The following FBXO11 variants were observed in gnomAD, a reference collection of about 807,000 sequenced individuals.
FBXO11 encodes F-box only protein 11.
FBXO11 carries 13 observed loss-of-function variants against 117.0 expected under a neutral mutation model. The ratio of observed to expected loss-of-function variants is 0.11; its 90% CI spans 0.07 to 0.18. The LOEUF is 0.18. FBXO11 is among the 10% of genes least tolerant of loss of function. FBXO11 has a pLI of 1.00. For synonymous variants in FBXO11, 490 were observed against 380.5 expected (o/e 1.29, Z -3.35); for missense variants, 767 against 1,164.4 (o/e 0.66, Z 4.97).
Position 47,905,627 on chromosome 2 carries a change from G to C in FBXO11, c.94C>G (p.Pro32Ala), listed in dbSNP as rs915976035. Residue 32 changes from proline to alanine, a missense_variant, in exon 1 of 23, where the codon CCG becomes GCG. By Grantham distance (27) the Pro-to-Ala change is conservative. Coordinates refer to ENST00000403359, the MANE Select transcript of FBXO11 (RefSeq NM_001190274.2). The stretch of plus-strand genomic sequence containing the variant: ...GGCTGCTGCTGGGGCGGCTGCGGCG[G>C]CGGCTGCTGCGGGGGCTGCTGCTGC... ...QQQQQPPQQP[P>A]PQPPQQQPPQ... 4.6e-5 allele frequency: 64 copies of C among 1,391,748 alleles called. No individual in the cohort carries two copies. The highest frequency in any genetic ancestry group is 5.7e-5 in the Non-Finnish European group (61 of 1,071,448). The allele number at this position is 1,391,748 out of a possible 1,614,324, so 86.2% of individuals were successfully genotyped here.
At chr2:47,903,809 G>A (rs1204410166) in intron 1 of FBXO11, among the ~76,000 whole-genome samples, 1 of 152,158 alleles carries the variant, frequency 6.6e-6, no homozygotes, top group Non-Finnish European at 1.5e-5. Flanking sequence ...TGCATACAGT[G>A]GCAATTCTGG....
At chr2:47,888,507 G>T in intron 1 of FBXO11, 2 of 165,646 alleles carry the variant, frequency 1.2e-5, no homozygotes, top group Non-Finnish European at 2.5e-5. Flanking sequence ...CTTTATGTCA[G>T]TCTAATAATT....
chr2:47,814,326 C>CT (rs1175098628), intron 16 of FBXO11: 1 of 150,050 alleles, frequency 6.7e-6, no homozygotes, highest in East Asian at 2.0e-4. Flanking sequence ...CTTAAAAATA[C>CT]TTTATCGCTA....
Position 47,832,433 on chromosome 2 carries a change from A to T in FBXO11, c.1314T>A (p.Val438=). The T allele has an allele frequency of 1.9e-6, 3 of 1,613,810 alleles. No homozygotes were observed. The highest frequency in any genetic ancestry group is 2.5e-6 in the Non-Finnish European group (3 of 1,179,808). The change falls in exon 11 of 23, where the codon GTT becomes GTA. Residue 438 remains valine (V), a synonymous_variant. Transcript: ENST00000403359. ...TAATAATTGGGTTTCCATGATTTTT[A>T]ACCCAAATCCCAGCTAACGCATTAT... ...ISNNALAGIW[V]KNHGNPIIRR...
chr2:47,888,856 G>A (rs1246783848), intron 1 of FBXO11: 1 of 154,646 alleles, frequency 6.5e-6, no homozygotes, highest in African/African-American at 2.4e-5. Context: ...TGTCCACACA[G>A]ATTAAAACAC....
At chr2:47,884,010 T>G (rs1019912639) in intron 1 of FBXO11, 14 of 152,540 alleles carry the variant, frequency 9.2e-5, no homozygotes, top group Non-Finnish European at 7.3e-5. Context: ...TCACCTGAGG[T>G]CAGGAGTTGG....
At chr2:47,888,451 G>A (rs1392237417) in intron 1 of FBXO11, among the ~76,000 whole-genome samples, 2 of 152,026 alleles carry the variant, frequency 1.3e-5, no homozygotes, top group Non-Finnish European at 2.9e-5. Context: ...AAAAAAGAAA[G>A]GATGTAATCT....
chr2:47,816,127 T>C (rs1670988406), intron 16 of FBXO11, among the ~76,000 whole-genome samples: 1 of 152,192 alleles, frequency 6.6e-6, no homozygotes, highest in Non-Finnish European at 1.5e-5. Context: ...ATTTTGCACT[T>C]TGTGGGCAGA....
At chr2:47,892,265 A>G (rs1677309935) in intron 1 of FBXO11, among the ~76,000 whole-genome samples, 1 of 152,240 alleles carries the variant, frequency 6.6e-6, no homozygotes, top group Admixed American at 6.5e-5. Context: ...GTAAAAGAAT[A>G]ACAAAAATCA....
intron 1 of FBXO11, among the ~76,000 whole-genome samples, chr2:47,897,374 C>T (rs1677750502): frequency 6.6e-6 from 1 of 152,118 alleles, no homozygotes; most frequent in Admixed American, 6.6e-5. Context: ...AGGTTAAACC[C>T]ACACAGTGGC....
intron 22 of FBXO11, 41 bp from the exon 23 acceptor site, chr2:47,808,288 G>T: frequency 1.2e-6 from 2 of 1,612,486 alleles, no homozygotes; most frequent in Non-Finnish European, 1.7e-6. Flanking sequence ...AAGTGAGGGG[G>T]AAAGTAATTG....
chr2:47,840,635 G>T (rs770078477), intron 1 of FBXO11, among the ~76,000 whole-genome samples: 12 of 150,974 alleles, frequency 7.9e-5, no homozygotes, highest in East Asian at 2.0e-4. Context: ...AATTTTTTTT[G>T]GTGAGATGGG....
chr2:47,858,663 C>G lies in FBXO11; in HGVS notation c.233-18894G>C, dbSNP rs1219458886. On this transcript the variant is annotated intron_variant, in intron 1 of 22. Coordinates refer to ENST00000403359, the MANE Select transcript of FBXO11 (RefSeq NM_001190274.2). ...TGTCATTGCTCTCCAGCCTGGGCAACAGAGTGAGACTCTGCCTCAAAAAAA... is the reference window on the plus strand; with the variant it reads ...TGTCATTGCTCTCCAGCCTGGGCAAGAGAGTGAGACTCTGCCTCAAAAAAA... 2.8e-5 allele frequency among the ~76,000 whole-genome samples: 3 copies of G among 107,260 alleles called. No individual in the cohort carries two copies. In the Admixed American group the frequency reaches 3.6e-4, roughly 13 times the overall value. The allele number at this position is 107,260 out of a possible 152,430, so 70.4% of individuals were successfully genotyped here. A position where few individuals can be genotyped will look rare whatever the true frequency, so the allele number is the denominator to read the frequency against.
At chr2:47,828,093 C>T (rs1671899454) in intron 11 of FBXO11, among the ~76,000 whole-genome samples, 1 of 152,118 alleles carries the variant, frequency 6.6e-6, no homozygotes, top group Admixed American at 6.5e-5. Context: ...AATCCTCTTG[C>T]CTCAGCCTTC....
intron 1 of FBXO11, among the ~76,000 whole-genome samples, chr2:47,896,087 T>C (rs920736011): frequency 5.3e-5 from 8 of 152,222 alleles, no homozygotes; most frequent in Non-Finnish European, 8.8e-5. Context: ...ACACAAATGA[T>C]TCATACATAC....
At chr2:47,822,460 G>A (rs1325964799) in intron 12 of FBXO11, among the ~76,000 whole-genome samples, 157 bp from the exon 13 acceptor site, 1 of 152,154 alleles carries the variant, frequency 6.6e-6, no homozygotes, top group Non-Finnish European at 1.5e-5. Flanking sequence ...CTTTGGAAAA[G>A]TCAGACTACT....
intron 16 of FBXO11, 122 bp from the exon 17 acceptor site, chr2:47,813,989 GA>G (rs1251878127): frequency 2.8e-6 from 2 of 716,756 alleles, no homozygotes; most frequent in African/African-American, 1.8e-5. Context: ...CTATACAATG[GA>G]GTCCAAGATG....
intron 21 of FBXO11, chr2:47,808,827 C>G: frequency 3.8e-6 from 1 of 261,036 alleles, no homozygotes; most frequent in East Asian, 8.0e-5. Context: ...TGAATGACAT[C>G]AGTTACTGTA....
intron 1 of FBXO11, among the ~76,000 whole-genome samples, chr2:47,851,266 G>A (rs1029588635): frequency 6.6e-6 from 1 of 152,062 alleles, no homozygotes; most frequent in Non-Finnish European, 1.5e-5. Flanking sequence ...TCATTCTGTT[G>A]CACAGGCTGG....
Sources: gnomAD v4.1 joint callset for allele counts (sites outside exome capture counted in the v4.1 genomes callset) on GRCh38, gnomAD v4.1.1 for gene constraint, MANE v1.5 for transcripts, NCBI Gene and HGNC (gene_info 2026-07-23, HGNC 2026-07-21) for gene names.